The following NUP107 variants were observed in gnomAD, a reference collection of about 807,000 sequenced individuals.
NUP107 encodes the protein nuclear pore complex protein Nup107.
A neutral mutation model predicts 141.0 loss-of-function variants in NUP107; 101 were observed. That is an observed-to-expected ratio of 0.72 (90% CI 0.61 to 0.84). NUP107 has a LOEUF of 0.84. NUP107 is among the 40% of genes least tolerant of loss of function. NUP107 has a pLI of 0.00. For synonymous variants in NUP107, 319 were observed against 363.9 expected, an observed-to-expected ratio of 0.88 and a Z score of 1.41; for missense variants, 941 against 1,102.7, an observed-to-expected ratio of 0.85 and a Z score of 2.08.
At chr12:68,710,172 T>G (rs2136018273) in intron 10 of NUP107, 79 bp downstream of exon 10, 2 of 753,868 alleles carry the variant, frequency 2.7e-6, no homozygotes, top group South Asian at 3.1e-5. Context: ...ATTATTCAGT[T>G]TTTACTTTGT....
At chr12:68,694,279 C>T (rs1875945356) in intron 5 of NUP107, among the ~76,000 whole-genome samples, 2 of 152,168 alleles carry the variant, frequency 1.3e-5, no homozygotes, top group Admixed American at 1.3e-4. Context: ...TTCTCCACTA[C>T]TTTGTAATGG....
At chr12:68,692,745 G>A (rs1319773801) in intron 5 of NUP107, among the ~76,000 whole-genome samples, 1 of 140,456 alleles carries the variant, frequency 7.1e-6, no homozygotes, top group East Asian at 2.1e-4. Flanking sequence ...ACCATGCCTA[G>A]CTAATTTTTT....
chr12:68,712,774 G>A (rs1482486364), intron 10 of NUP107, among the ~76,000 whole-genome samples: 2 of 151,724 alleles, frequency 1.3e-5, no homozygotes, highest in Non-Finnish European at 2.9e-5. Context: ...TGGTCATTTG[G>A]TTTTCAACAA....
chr12:68,733,018 C>T (rs1877905786), intron 23 of NUP107, among the ~76,000 whole-genome samples: 1 of 151,972 alleles, frequency 6.6e-6, no homozygotes. Context: ...TGTTCAAATT[C>T]GTGTATTTTT....
Position 68,702,800 on chromosome 12 carries a change from AT to A in NUP107, c.729+22del. ...CGCAGTTACTGTAAGTTTTATATTAATTTTTTCTTTTATAAATACATACAAA... is the reference window on the plus strand; with the variant it reads ...CGCAGTTACTGTAAGTTTTATATTAATTTTTCTTTTATAAATACATACAAA... On this transcript the variant is annotated intron_variant, in intron 8 of 27. Transcript: ENST00000229179. 7.0e-7 allele frequency: 1 copy of A among 1,419,204 alleles called. No homozygotes were observed. Among genetic ancestry groups the A allele is most frequent in the Non-Finnish European group, 9.6e-7 (1 of 1,039,324 alleles). The allele number at this position is 1,419,204 out of a possible 1,614,324, so 87.9% of individuals were successfully genotyped here. A position where few individuals can be genotyped will look rare whatever the true frequency, so the allele number is the denominator to read the frequency against.
chr12:68,735,917 A>T (rs1197236371), intron 26 of NUP107, among the ~76,000 whole-genome samples: 1 of 152,252 alleles, frequency 6.6e-6, no homozygotes, highest in Non-Finnish European at 1.5e-5. Context: ...GAGTCCAGGA[A>T]AAGAAAAGAT....
intron 15 of NUP107, 145 bp downstream of exon 15, chr12:68,721,322 A>G (rs1237208055): frequency 3.8e-6 from 2 of 532,378 alleles, no homozygotes; most frequent in Non-Finnish European, 6.6e-6. Context: ...AGAGATAATC[A>G]TGAATCAGAT....
chr12:68,721,759 T>A, intron 15 of NUP107, 82 bp from the exon 16 acceptor site: 1 of 1,315,548 alleles, frequency 7.6e-7, no homozygotes, highest in South Asian at 1.4e-5. Context: ...GATTTTATAG[T>A]CTGTATCATT....
At chr12:68,711,566 A>G (rs889081493) in intron 10 of NUP107, among the ~76,000 whole-genome samples, 2 of 151,714 alleles carry the variant, frequency 1.3e-5, no homozygotes, top group Non-Finnish European at 2.9e-5. Context: ...GAATTAATGG[A>G]TAGATACGAC....
At chr12:68,706,208 G>T (rs904602277) in intron 8 of NUP107, 12 of 767,048 alleles carry the variant, frequency 1.6e-5, no homozygotes, top group African/African-American at 6.8e-5. Flanking sequence ...GATGGAGAAT[G>T]AATTTGTCCT....
chr12:68,731,220 T>A lies in NUP107; in HGVS notation c.1845T>A (p.Phe615Leu). The part of the protein sequence containing the change: ...YALFLESVTE[F>L]EQRHHCLELA... ...TATTTTTGGAAAGTGTTACAGAATT[T>A]GAACAGCGCCACCATTGCCTGGAGT... The change falls in exon 21 of 28, where the codon TTT (phenylalanine) becomes TTA (leucine). Residue 615 changes from phenylalanine (F) to leucine (L), a missense_variant. Coordinates refer to ENST00000229179, the MANE Select transcript of NUP107 (RefSeq NM_020401.4). 2 of 1,612,120 alleles carry A rather than the reference T, an allele frequency of 1.2e-6. No individual in the cohort carries two copies. The highest frequency in any genetic ancestry group is 1.7e-6 in the Non-Finnish European group (2 of 1,179,160).
intron 3 of NUP107, chr12:68,690,415 G>A: frequency 1.7e-6 from 1 of 590,786 alleles, no homozygotes; most frequent in East Asian, 2.9e-5. Context: ...GCAGTAAAAT[G>A]TTTCCTGTTA....
chr12:68,694,925 G>T (rs1875980054), intron 5 of NUP107, among the ~76,000 whole-genome samples: 1 of 152,036 alleles, frequency 6.6e-6, no homozygotes, highest in African/African-American at 2.4e-5. Flanking sequence ...GAGAAAGAAA[G>T]AAATAGAATA....
intron 6 of NUP107, among the ~76,000 whole-genome samples, chr12:68,700,195 C>T (rs937719076): frequency 2.6e-5 from 4 of 152,006 alleles, no homozygotes; most frequent in African/African-American, 7.2e-5. Flanking sequence ...TGAGTCACCA[C>T]GCCCAGCCTC....
rs1433454827 is a variant in NUP107, at chr12:68,745,805, A to G, written c.*3343A>G. 1 of 152,344 alleles carries G rather than the reference A, an allele frequency of 6.6e-6. No homozygotes were observed. Among genetic ancestry groups the G allele is most frequent in the African/African-American group, 2.4e-5 (1 of 41,474 alleles). 9.4% of individuals were successfully genotyped at this position (152,344 alleles called of 1,614,324 possible). On this transcript the variant is annotated 3_prime_UTR_variant, in exon 28 of 28. Transcript: ENST00000229179. ...CTTTTTCCAAAAATAAAAAATAAAA[A>G]CATGCTTTCAATAAGTTCTTTCCCC... is the stretch of plus-strand genomic sequence containing the variant.
intron 14 of NUP107, 41 bp from the exon 15 acceptor site, chr12:68,721,077 A>G: frequency 7.4e-7 from 1 of 1,348,968 alleles, no homozygotes; most frequent in East Asian, 2.3e-5. Flanking sequence ...CATACTAAGA[A>G]AAACAATATT....
intron 5 of NUP107, among the ~76,000 whole-genome samples, chr12:68,694,781 A>G (rs1034412494): frequency 6.6e-6 from 1 of 152,296 alleles, no homozygotes; most frequent in Non-Finnish European, 1.5e-5. Flanking sequence ...AATGCCTGTA[A>G]TCGCAGCTAC....
intron 24 of NUP107, among the ~76,000 whole-genome samples, chr12:68,734,466 C>T (rs1321283953): frequency 1.3e-5 from 2 of 152,104 alleles, no homozygotes; most frequent in African/African-American, 2.4e-5. Context: ...GATACATATA[C>T]GATCAGGGTG....
chr12:68,712,218 C>T (rs1000517427), intron 10 of NUP107, among the ~76,000 whole-genome samples: 1 of 151,990 alleles, frequency 6.6e-6, no homozygotes, highest in African/African-American at 2.4e-5. Flanking sequence ...TACAGTGGCT[C>T]ACACCTGTAA....
Sources: gnomAD v4.1 joint callset for allele counts (sites outside exome capture counted in the v4.1 genomes callset) on GRCh38, gnomAD v4.1.1 for gene constraint, MANE v1.5 for transcripts, NCBI Gene and HGNC (gene_info 2026-07-23, HGNC 2026-07-21) for gene names.